STAU2: variants seen among roughly 807,000 people sequenced by gnomAD.
The protein encoded by STAU2 is staufen double-stranded RNA binding protein 2.
A neutral mutation model predicts 65.9 loss-of-function variants in STAU2; 20 were observed. That is an observed-to-expected ratio of 0.30 (90% CI 0.21 to 0.44). The LOEUF (loss-of-function observed/expected upper bound fraction) is 0.44. Ranked by LOEUF, STAU2 falls within the 20% of genes least tolerant of loss-of-function variation. The probability of loss-of-function intolerance (pLI) is 1.00; values close to 1 mark genes in which losing one functional copy is unlikely to be tolerated. For missense variants in STAU2, 558 were observed against 683.9 expected, an observed-to-expected ratio of 0.82 and a Z score of 2.05; for synonymous variants, 232 against 233.9, an observed-to-expected ratio of 0.99 and a Z score of 0.07.
intron 4 of STAU2, among the ~76,000 whole-genome samples, chr8:73,695,220 A>G (rs1819619453): frequency 6.6e-6 from 1 of 152,148 alleles, no homozygotes; most frequent in Non-Finnish European, 1.5e-5. Flanking sequence ...CTGCTTAAGG[A>G]GAGGAGAGTG....
At position 73,702,403 on chromosome 8, in the gene STAU2, A is replaced by C. The variant is rs570541854; in HGVS notation, c.114+6629T>G. Among the ~76,000 whole-genome samples, 18 of 152,222 alleles carry C rather than the reference A, an allele frequency of 1.2e-4. 1 individual carries two copies. The South Asian group carries it at 3.5e-3, about 30-fold the overall frequency. The stretch of plus-strand genomic sequence containing the variant: ...GATGATTACAACAAGGAATGAGAAA[A>C]TTTTGTGGGACAATGGAAATGTTTG... On this transcript the variant is annotated intron_variant, in intron 4 of 14. Coordinates refer to ENST00000524300, the MANE Select transcript of STAU2 (RefSeq NM_001164380.2).
At chr8:73,617,772 T>A (rs1249443549) in intron 6 of STAU2, among the ~76,000 whole-genome samples, 2 of 152,224 alleles carry the variant, frequency 1.3e-5, no homozygotes, top group African/African-American at 4.8e-5. Context: ...AACAGTCTGA[T>A]GAAGCTACAA....
rs1275901772 is a variant in STAU2, at chr8:73,709,120, G to T, written c.26C>A (p.Ala9Glu). Residue 9 changes from alanine to glutamate, a missense_variant, in exon 4 of 15, where the codon GCA becomes GAA. Ala to Glu is a moderately radical substitution (Grantham distance 107, BLOSUM62 -1). Around this residue, in one of 3 missense-constraint regions of STAU2, gnomAD observed 112 missense variants for 114.2 expected, o/e 0.98. Coordinates refer to ENST00000524300, the MANE Select transcript of STAU2 (RefSeq NM_001164380.2). Reference protein sequence around the residue: MANPKEKTAMCLVNELARF... With the variant: MANPKEKTEMCLVNELARF... ...GGCTAACTCATTTACCAGACACATTGCAGTTTTCTCTTTTGGGTTTGCCAT... is the reference window on the plus strand; with the variant it reads ...GGCTAACTCATTTACCAGACACATTTCAGTTTTCTCTTTTGGGTTTGCCAT... The T allele has an allele frequency of 1.4e-5, 21 of 1,531,978 alleles. No individual in the cohort carries two copies. The highest frequency in any genetic ancestry group is 1.8e-5 in the Non-Finnish European group (21 of 1,144,070). The allele number at this position is 1,531,978 out of a possible 1,614,324, so 94.9% of individuals were successfully genotyped here. A position where few individuals can be genotyped will look rare whatever the true frequency, so the allele number is the denominator to read the frequency against.
intron 13 of STAU2, among the ~76,000 whole-genome samples, chr8:73,468,418 C>G (rs1413779934): frequency 6.6e-6 from 1 of 152,160 alleles, no homozygotes; most frequent in Non-Finnish European, 1.5e-5. Context: ...GTCTAAAACA[C>G]CAAAAGCGAT....
intron 10 of STAU2, among the ~76,000 whole-genome samples, chr8:73,602,020 T>C (rs1811666521): frequency 6.6e-6 from 1 of 152,148 alleles, no homozygotes; most frequent in African/African-American, 2.4e-5. Flanking sequence ...TTGACAATAA[T>C]GTGATTACTA....
intron 13 of STAU2, among the ~76,000 whole-genome samples, chr8:73,517,557 T>C (rs1000315994): frequency 6.6e-5 from 10 of 152,242 alleles, no homozygotes; most frequent in African/African-American, 2.4e-4. Flanking sequence ...TATGAAATCA[T>C]GAACATCAAA....
rs187933340 is a variant in STAU2 at position 73,591,049 on chromosome 8, A to G, written c.1161+4117T>C. 3.5e-3 allele frequency among the ~76,000 whole-genome samples: 534 copies of G among 152,352 alleles called. 2 individuals carry two copies. The highest frequency in any genetic ancestry group is 5.4e-3 in the Non-Finnish European group (366 of 68,034). On this transcript the variant is annotated intron_variant, in intron 11 of 14. Coordinates refer to ENST00000524300, the MANE Select transcript of STAU2 (RefSeq NM_001164380.2). ...GAAGTCCTTCAAGCAAGGAAGGGGT[A>G]TAATACCAGAAAGAAATTTGAATTT...
chr8:73,582,941 C>A, intron 11 of STAU2, 111 bp from the exon 12 acceptor site: 1 of 851,696 alleles, frequency 1.2e-6, no homozygotes, highest in Non-Finnish European at 1.9e-6. Flanking sequence ...GGTTATTCTG[C>A]ATATTATCTC....
chr8:73,482,200 C>A (rs1004558828), intron 13 of STAU2, among the ~76,000 whole-genome samples: 5 of 151,740 alleles, frequency 3.3e-5, no homozygotes, highest in Non-Finnish European at 4.4e-5. Context: ...GGCCTGTGAT[C>A]GCATTGCCAG....
intron 10 of STAU2, among the ~76,000 whole-genome samples, chr8:73,599,828 C>T (rs997814374): frequency 1.3e-5 from 2 of 151,650 alleles, no homozygotes; most frequent in East Asian, 1.9e-4. Context: ...AGTGCAGTGG[C>T]GCAAACTCGG....
intron 12 of STAU2, among the ~76,000 whole-genome samples, chr8:73,575,600 T>C (rs1443080498): frequency 1.3e-5 from 2 of 152,034 alleles, no homozygotes; most frequent in Non-Finnish European, 2.9e-5. Context: ...CTGTGAAAAA[T>C]TGATTAAATA....
intron 12 of STAU2, among the ~76,000 whole-genome samples, chr8:73,576,712 A>G (rs968777545): frequency 6.6e-6 from 1 of 152,248 alleles, no homozygotes; most frequent in Admixed American, 6.5e-5. Flanking sequence ...AAATAATAGC[A>G]GTTAATGTTT....
intron 13 of STAU2, among the ~76,000 whole-genome samples, chr8:73,524,122 C>T (rs1823211854): frequency 6.6e-6 from 1 of 152,094 alleles, no homozygotes; most frequent in African/African-American, 2.4e-5. Context: ...CTGCTGCAGT[C>T]ATCTGGGTTA....
intron 4 of STAU2, among the ~76,000 whole-genome samples, chr8:73,707,534 G>A (rs1333530387): frequency 6.6e-6 from 1 of 152,136 alleles, no homozygotes; most frequent in Non-Finnish European, 1.5e-5. Context: ...GAATGCTAAA[G>A]AGAGTGAAAG....
chr8:73,439,494 T>C (rs1191626739), intron 13 of STAU2, among the ~76,000 whole-genome samples: 1 of 152,170 alleles, frequency 6.6e-6, no homozygotes, highest in Non-Finnish European at 1.5e-5. Flanking sequence ...GGTGCACGCC[T>C]GTAATCCCAG....
intron 13 of STAU2, among the ~76,000 whole-genome samples, chr8:73,465,197 C>G (rs7817466): frequency 1.3e-5 from 2 of 152,066 alleles, no homozygotes; most frequent in Non-Finnish European, 2.9e-5. Context: ...TTCCCGGCCA[C>G]GGAGGCAGTG....
chr8:73,469,301 G>C (rs958238379), intron 13 of STAU2, among the ~76,000 whole-genome samples: 1 of 152,040 alleles, frequency 6.6e-6, no homozygotes, highest in Non-Finnish European at 1.5e-5. Flanking sequence ...ACCAGGGCCT[G>C]TTGTGGGGTT....
chr8:73,565,871 T>A (rs1169428190), intron 12 of STAU2, among the ~76,000 whole-genome samples: 1 of 152,220 alleles, frequency 6.6e-6, no homozygotes, highest in Non-Finnish European at 1.5e-5. Context: ...ATGATAAAAC[T>A]GATTTCGTTA....
intron 6 of STAU2, among the ~76,000 whole-genome samples, chr8:73,663,497 T>C (rs1391784726): frequency 6.6e-6 from 1 of 152,144 alleles, no homozygotes; most frequent in Admixed American, 6.6e-5. Context: ...TTATAGCAAA[T>C]CTTGAAGTCA....
Sources: gnomAD v4.1 joint callset for allele counts (sites outside exome capture counted in the v4.1 genomes callset) on GRCh38, gnomAD v4.1.1 for gene constraint, gnomAD v4.1.1 regional missense constraint, MANE v1.5 for transcripts, NCBI Gene and HGNC (gene_info 2026-07-23, HGNC 2026-07-21) for gene names.